The following FMNL2 variants were observed in gnomAD, a reference collection of about 807,000 sequenced individuals.
FMNL2 encodes the protein formin-like protein 2.
FMNL2 carries 51 observed loss-of-function variants against 130.2 expected under a neutral mutation model. The ratio of observed to expected loss-of-function variants is 0.39; its 90% CI spans 0.31 to 0.49. The LOEUF (loss-of-function observed/expected upper bound fraction) is 0.49, where lower values mean the gene tolerates loss of function less well. FMNL2 is among the 20% of genes least tolerant of loss of function. The pLI, the probability that FMNL2 is intolerant of heterozygous loss-of-function variation, is 0.85. For missense variants in FMNL2, 977 were observed against 1,316.2 expected, an observed-to-expected ratio of 0.74 and a Z score of 3.99; for synonymous variants, 465 against 467.1, an observed-to-expected ratio of 1.00 and a Z score of 0.06.
intron 1 of FMNL2, among the ~76,000 whole-genome samples, chr2:152,432,876 A>G (rs1352895794): frequency 1.3e-5 from 2 of 152,204 alleles, no homozygotes; most frequent in African/African-American, 4.8e-5. Flanking sequence ...AGCGTAGGAT[A>G]ATACAGGAGA....
intron 1 of FMNL2, among the ~76,000 whole-genome samples, chr2:152,435,118 T>C (rs1687680181): frequency 6.6e-6 from 1 of 152,176 alleles, no homozygotes; most frequent in African/African-American, 2.4e-5. Flanking sequence ...TCATATGGCC[T>C]AAATTTTTTG....
chr2:152,577,002 A>G (rs1696514924), intron 7 of FMNL2, among the ~76,000 whole-genome samples: 1 of 152,212 alleles, frequency 6.6e-6, no homozygotes, highest in African/African-American at 2.4e-5. Flanking sequence ...TAACGACATA[A>G]TCTGACACTT....
chr2:152,646,583 G>A (rs186755487), intron 25 of FMNL2, among the ~76,000 whole-genome samples: 4 of 150,100 alleles, frequency 2.7e-5, no homozygotes, highest in Non-Finnish European at 5.9e-5. Flanking sequence ...GTACATGTGC[G>A]GGGGGTGGGG....
intron 1 of FMNL2, among the ~76,000 whole-genome samples, chr2:152,467,784 C>T (rs962111998): frequency 6.6e-6 from 1 of 152,188 alleles, no homozygotes; most frequent in Non-Finnish European, 1.5e-5. Context: ...GAGAGCAGGC[C>T]TGGTCAACTG....
At chr2:152,349,492 T>C (rs2105768922) in intron 1 of FMNL2, among the ~76,000 whole-genome samples, 1 of 152,362 alleles carries the variant, frequency 6.6e-6, no homozygotes, top group East Asian at 1.9e-4. Context: ...CTATTATGTT[T>C]TCTGAGTTAG....
intron 4 of FMNL2, among the ~76,000 whole-genome samples, chr2:152,554,239 T>A (rs924300734): frequency 6.6e-6 from 1 of 152,136 alleles, no homozygotes; most frequent in African/African-American, 2.4e-5. Flanking sequence ...AACCCCTGTC[T>A]CTATAAAAAA....
intron 3 of FMNL2, among the ~76,000 whole-genome samples, chr2:152,545,846 C>G (rs1694603611): frequency 6.6e-6 from 1 of 152,172 alleles, no homozygotes; most frequent in Admixed American, 6.5e-5. Context: ...GACTCCAAGA[C>G]TTCTCTGTGG....
chr2:152,614,797 G>C (rs1446533352), intron 11 of FMNL2, 54 bp from the exon 12 acceptor site: 5 of 1,488,318 alleles, frequency 3.4e-6, no homozygotes, highest in East Asian at 2.3e-5. Context: ...AGGAAATGAT[G>C]TTCTATTTCC....
intron 1 of FMNL2, among the ~76,000 whole-genome samples, chr2:152,370,658 A>G (rs1447124034): frequency 6.6e-6 from 1 of 152,214 alleles, no homozygotes; most frequent in African/African-American, 2.4e-5. Context: ...GAGTTGATCA[A>G]GGTGAGTCCT....
At chr2:152,410,227 G>A (rs1686207324) in intron 1 of FMNL2, among the ~76,000 whole-genome samples, 1 of 152,154 alleles carries the variant, frequency 6.6e-6, no homozygotes, top group African/African-American at 2.4e-5. Flanking sequence ...CCATGCTTTG[G>A]TCACATGTAC....
chr2:152,556,308 A>G (rs1307739135), intron 4 of FMNL2, among the ~76,000 whole-genome samples: 1 of 152,198 alleles, frequency 6.6e-6, no homozygotes, highest in Non-Finnish European at 1.5e-5. Flanking sequence ...GACTAGATCA[A>G]ATCCCAGGGA....
At chr2:152,411,547 T>C (rs2106001241) in intron 1 of FMNL2, among the ~76,000 whole-genome samples, 1 of 152,296 alleles carries the variant, frequency 6.6e-6, no homozygotes, top group East Asian at 1.9e-4. Context: ...TAAGAGAAAG[T>C]TAACCCACTT....
intron 2 of FMNL2, among the ~76,000 whole-genome samples, chr2:152,541,668 A>G (rs1015380041): frequency 3.9e-5 from 6 of 152,164 alleles, no homozygotes; most frequent in African/African-American, 7.2e-5. Flanking sequence ...ATAAAACCAT[A>G]TATCTATATG....
chr2:152,615,625 T>A (rs898995021), intron 12 of FMNL2, among the ~76,000 whole-genome samples: 1 of 152,218 alleles, frequency 6.6e-6, no homozygotes, highest in African/African-American at 2.4e-5. Context: ...TGAATATGAC[T>A]CTAAGGGCCT....
intron 1 of FMNL2, among the ~76,000 whole-genome samples, chr2:152,376,447 G>T (rs1684183141): frequency 6.6e-6 from 1 of 152,194 alleles, no homozygotes; most frequent in South Asian, 2.1e-4. Context: ...AGGAGAGGAG[G>T]ATTCCTCTGA....
intron 1 of FMNL2, among the ~76,000 whole-genome samples, chr2:152,521,568 T>A (rs1243417854): frequency 2.0e-5 from 3 of 152,192 alleles, no homozygotes; most frequent in Admixed American, 2.0e-4. Flanking sequence ...GTGTTCTCTT[T>A]TGGTGTTTTC....
At chr2:152,484,430 A>C (rs971367504) in intron 1 of FMNL2, among the ~76,000 whole-genome samples, 1 of 151,940 alleles carries the variant, frequency 6.6e-6, no homozygotes, top group African/African-American at 2.4e-5. Context: ...ACTTGAGGCC[A>C]TGAGTTTGAG....
rs561512086 is a variant in FMNL2 at position 152,501,383 on chromosome 2, A to G, written c.118-20560A>G. Among the ~76,000 whole-genome samples the G allele has an allele frequency of 7.2e-5, 11 of 152,386 alleles. No individual in the cohort carries two copies. The East Asian group carries it at 1.5e-3, about 21-fold the overall frequency. ...TCCCAAAAGGGAACTCAGAAAATGT[A>G]TCTGACTCTTCTAAAAGACATGTAA... On this transcript the variant is annotated intron_variant, in intron 1 of 25. Transcript: ENST00000288670.
chr2:152,588,145 T>C (rs1697189623), intron 9 of FMNL2, among the ~76,000 whole-genome samples: 1 of 152,260 alleles, frequency 6.6e-6, no homozygotes, highest in African/African-American at 2.4e-5. Context: ...TCTACAGTTC[T>C]GTAGACCAGA....
Sources: gnomAD v4.1 joint callset for allele counts (sites outside exome capture counted in the v4.1 genomes callset) on GRCh38, gnomAD v4.1.1 for gene constraint, MANE v1.5 for transcripts, NCBI Gene and HGNC (gene_info 2026-07-23, HGNC 2026-07-21) for gene names.